Variants in SLCO4C1 observed in about 807,000 individuals in gnomAD.
SLCO4C1 encodes solute carrier organic anion transporter family member 4C1.
Under a neutral mutation model 72.1 loss-of-function variants are expected in SLCO4C1, and 58 were observed. The observed-to-expected ratio is 0.80, with a 90% CI of 0.65 to 1.00. SLCO4C1 has a LOEUF of 1.00. Among genes scored for constraint, SLCO4C1 ranks in the 50% least tolerant of loss-of-function variants. The pLI is 0.00. For missense variants in SLCO4C1, 898 were observed against 857.9 expected (o/e 1.05, Z -0.58); for synonymous variants, 297 against 312.5 (o/e 0.95, Z 0.52).
At chr5:102,292,517 C>G (rs1312694209) in intron 1 of SLCO4C1, among the ~76,000 whole-genome samples, 1 of 152,140 alleles carries the variant, frequency 6.6e-6, no homozygotes, top group African/African-American at 2.4e-5. Context: ...AAATTGAGCT[C>G]TCAAACCCCT....
chr5:102,256,987 T>C, intron 8 of SLCO4C1, 128 bp downstream of exon 8: 1 of 640,770 alleles, frequency 1.6e-6, no homozygotes, highest in Non-Finnish European at 2.4e-6. Context: ...CCACATGTTC[T>C]TACATAGGAA....
intron 2 of SLCO4C1, among the ~76,000 whole-genome samples, chr5:102,272,145 A>G (rs1220829733): frequency 1.3e-5 from 2 of 152,142 alleles, no homozygotes; most frequent in Non-Finnish European, 2.9e-5. Flanking sequence ...GTTAATTCAT[A>G]TGTAATATCT....
chr5:102,241,077 G>C (rs1398422596), intron 10 of SLCO4C1, among the ~76,000 whole-genome samples: 1 of 151,964 alleles, frequency 6.6e-6, no homozygotes, highest in African/African-American at 2.4e-5. Context: ...TTCCATAAAA[G>C]TCATCAATAA....
In SLCO4C1 at chr5:102,258,349, T is replaced by C. The variant is rs573004790; in HGVS notation, c.1129-262A>G. ...TGCATTTATTGCATTCCAAGGGCTA[T>C]GGAAAGAAGGTAAAAGCCTTCTTGG... is the stretch of plus-strand genomic sequence containing the variant. On this transcript the variant is annotated intron_variant, in intron 6 of 12. Transcript: ENST00000310954. Among the ~76,000 whole-genome samples the C allele has an allele frequency of 2.0e-4, 30 of 152,296 alleles. No homozygotes were observed. In the Middle Eastern group the frequency reaches 0.01, roughly 52 times the overall value.
At chr5:102,257,660 C>T (rs1748862408) in intron 7 of SLCO4C1, among the ~76,000 whole-genome samples, 1 of 150,208 alleles carries the variant, frequency 6.7e-6, no homozygotes, top group Non-Finnish European at 1.5e-5. Flanking sequence ...ATTCTGTCAC[C>T]CAGGCTGGAG....
At position 102,257,120 on chromosome 5, in the gene SLCO4C1, A is replaced by G. The variant is rs575912368; in HGVS notation, c.1464T>C (p.Tyr488=). ...NEPFAGVSES[Y]NGTGELGNLI... The stretch of plus-strand genomic sequence containing the variant: ...AAGCACTGAATTGTATTTACCCATT[A>G]TATGATTCAGATACACCAGCAAATG... Residue 488 remains tyrosine, a synonymous_variant, in exon 8 of 13, where the codon TAT becomes TAC. Coordinates refer to ENST00000310954, the MANE Select transcript of SLCO4C1 (RefSeq NM_180991.5). 2.7e-5 allele frequency: 42 copies of G among 1,575,552 alleles called. No individual in the cohort carries two copies. The highest frequency in any genetic ancestry group is 3.4e-5 in the Non-Finnish European group (40 of 1,164,562).
At chr5:102,286,481 T>C in intron 2 of SLCO4C1, among the ~76,000 whole-genome samples, 1 of 152,278 alleles carries the variant, frequency 6.6e-6, no homozygotes, top group South Asian at 2.1e-4. Context: ...ATTTTAAATA[T>C]TTTAAAGTCA....
Position 102,291,386 on chromosome 5 carries a change from T to C in SLCO4C1, c.576A>G (p.Pro192=). 1 of 1,614,040 alleles carries C rather than the reference T, an allele frequency of 6.2e-7. No homozygotes were observed. ...ATTTATATTCTCCACTGAAAAATTGTGGCAATGAGAATACAAGTGCTCCCA... is the reference window on the plus strand; with the variant it reads ...ATTTATATTCTCCACTGAAAAATTGCGGCAATGAGAATACAAGTGCTCCCA... ...IGLGALVFSL[P]QFFSGEYKLG... Residue 192 remains proline (P), a synonymous_variant, in exon 2 of 13, where the codon CCA becomes CCG. Transcript: ENST00000310954.
At chr5:102,241,039 G>C (rs1748530599) in intron 10 of SLCO4C1, among the ~76,000 whole-genome samples, 1 of 152,074 alleles carries the variant, frequency 6.6e-6, no homozygotes, top group African/African-American at 2.4e-5. Flanking sequence ...AATGTAAAGA[G>C]AAAGGGTATT....
chr5:102,247,762 A>T (rs540070032), intron 9 of SLCO4C1, among the ~76,000 whole-genome samples: 2 of 152,046 alleles, frequency 1.3e-5, no homozygotes, highest in Non-Finnish European at 2.9e-5. Context: ...TTCAACAGTA[A>T]TTATTTCTTA....
At chr5:102,265,986 G>C (rs964403676) in intron 3 of SLCO4C1, among the ~76,000 whole-genome samples, 3 of 151,992 alleles carry the variant, frequency 2.0e-5, no homozygotes, top group Non-Finnish European at 4.4e-5. Context: ...TTCAGTTTCT[G>C]TCATCAGTGT....
intron 6 of SLCO4C1, among the ~76,000 whole-genome samples, chr5:102,259,459 A>G (rs1042062958): frequency 1.3e-5 from 2 of 152,164 alleles, no homozygotes; most frequent in African/African-American, 4.8e-5. Context: ...ATGTGCATGT[A>G]TGGTGTGGAG....
At chr5:102,247,142 G>A in intron 10 of SLCO4C1, 110 bp downstream of exon 10, 1 of 713,348 alleles carries the variant, frequency 1.4e-6, no homozygotes, top group Non-Finnish European at 2.1e-6. Context: ...TGTAAGGGCT[G>A]ATTGGTATTG....
At chr5:102,267,676 C>T (rs907985121) in intron 3 of SLCO4C1, among the ~76,000 whole-genome samples, 17 of 144,642 alleles carry the variant, frequency 1.2e-4, no homozygotes, top group South Asian at 2.2e-4. Context: ...TTTGTTCTTG[C>T]TTTTCCATTT....
At chr5:102,292,980 A>C (rs555931739) in intron 1 of SLCO4C1, among the ~76,000 whole-genome samples, 2 of 152,168 alleles carry the variant, frequency 1.3e-5, no homozygotes, top group South Asian at 4.2e-4. Context: ...AATTGTTTTC[A>C]TTCAATACCA....
chr5:102,266,652 AAAAAG>A (rs930017561), intron 3 of SLCO4C1, among the ~76,000 whole-genome samples: 33 of 148,860 alleles, frequency 2.2e-4, no homozygotes, highest in Non-Finnish European at 3.1e-4. Flanking sequence ...TTCCATCTCA[AAAAAG>A]AAAAGAAAAG....
At position 102,291,566 on chromosome 5, in the gene SLCO4C1, A is replaced by C. The variant is rs1023595618; in HGVS notation, c.396T>G (p.Thr132=). The C allele has an allele frequency of 2.5e-6, 4 of 1,613,674 alleles. No individual in the cohort carries two copies. Among genetic ancestry groups the C allele is most frequent in the African/African-American group, 1.3e-5 (1 of 75,056 alleles). The part of the protein sequence containing the change: ...VNGLVNISIS[T]VEKRYEMKSS... Reference sequence around the variant, plus strand: ...TCTTCATTTCATAACGCTTCTCAACAGTGGAAATGCTAATATTTACTAGGC... The same window carrying C: ...TCTTCATTTCATAACGCTTCTCAACCGTGGAAATGCTAATATTTACTAGGC... Residue 132 remains threonine, a synonymous_variant, in exon 2 of 13, where the codon ACT becomes ACG. Transcript: ENST00000310954.
At chr5:102,286,998 GAAC>G (rs1749464824) in intron 2 of SLCO4C1, among the ~76,000 whole-genome samples, 1 of 151,812 alleles carries the variant, frequency 6.6e-6, no homozygotes, top group Admixed American at 6.6e-5. Flanking sequence ...TTTCCCTTAA[GAAC>G]AACAGAAAAA....
At chr5:102,264,576 A>G (rs979168878) in intron 3 of SLCO4C1, among the ~76,000 whole-genome samples, 6 of 151,940 alleles carry the variant, frequency 3.9e-5, no homozygotes, top group African/African-American at 9.7e-5. Context: ...ATCAAATCGT[A>G]GTAATTAGCA....
Sources: allele counts gnomAD v4.1 joint callset (sites outside exome capture counted in the v4.1 genomes callset), GRCh38; gene constraint gnomAD v4.1.1; transcripts MANE v1.5; gene names NCBI Gene and HGNC (gene_info 2026-07-23, HGNC 2026-07-21).